TEK: variants seen among roughly 807,000 people sequenced by gnomAD.
The protein encoded by TEK is TEK receptor tyrosine kinase, also known as angiopoietin-1 receptor.
TEK carries 43 observed loss-of-function variants against 131.8 expected under a neutral mutation model. The ratio of observed to expected loss-of-function variants is 0.33; its 90% CI spans 0.26 to 0.42. The LOEUF (loss-of-function observed/expected upper bound fraction) is 0.42. Ranked by LOEUF, TEK falls within the 10% of genes least tolerant of loss-of-function variation. The probability of loss-of-function intolerance (pLI) is 1.00; values close to 1 mark genes in which losing one functional copy is unlikely to be tolerated. For synonymous variants in TEK, 580 were observed against 491.6 expected (o/e 1.18, Z -2.38); for missense variants, 1,162 against 1,384.4 (o/e 0.84, Z 2.55).
chr9:27,155,328 C>G (rs1823292194), intron 1 of TEK, among the ~76,000 whole-genome samples: 2 of 152,200 alleles, frequency 1.3e-5, no homozygotes, highest in Admixed American at 6.5e-5. Flanking sequence ...GTCCTGAGAT[C>G]TTAAAAGTTA....
At chr9:27,207,624 G>A (rs752908037) in intron 15 of TEK, among the ~76,000 whole-genome samples, 3 of 152,208 alleles carry the variant, frequency 2.0e-5, no homozygotes, top group African/African-American at 4.8e-5. Flanking sequence ...ACTTGACTGT[G>A]AGGCTGCACT....
chr9:27,208,323 T>G (rs2131217878), intron 15 of TEK, among the ~76,000 whole-genome samples: 1 of 151,684 alleles, frequency 6.6e-6, no homozygotes, highest in African/African-American at 2.4e-5. Context: ...AGCACCTCAC[T>G]CCTTTCCTTG....
In TEK at chr9:27,203,103, C is replaced by T; in HGVS notation, c.2193C>T (p.Thr731=). 1 of 1,613,944 alleles carries T rather than the reference C, an allele frequency of 6.2e-7. No individual in the cohort carries two copies. Residue 731 remains threonine, a synonymous_variant, in exon 13 of 23, where the codon ACC becomes ACT. Coordinates refer to ENST00000380036, the MANE Select transcript of TEK (RefSeq NM_000459.5). The part of the protein sequence containing the change: ...SNPAFSHELV[T]LPESQAPADL... ...CAGCCTTTTCTCATGAACTGGTGACCCTCCCAGAATCTCAAGGTTGGTTGA... is the reference window on the plus strand; with the variant it reads ...CAGCCTTTTCTCATGAACTGGTGACTCTCCCAGAATCTCAAGGTTGGTTGA...
chr9:27,225,671 G>C (rs1249029439), intron 21 of TEK, among the ~76,000 whole-genome samples: 1 of 152,162 alleles, frequency 6.6e-6, no homozygotes, highest in Non-Finnish European at 1.5e-5. Context: ...CAGGACATAG[G>C]CATGGGCAAA....
chr9:27,222,509 A>G (rs972484136), intron 21 of TEK, among the ~76,000 whole-genome samples: 2 of 152,214 alleles, frequency 1.3e-5, no homozygotes, highest in African/African-American at 4.8e-5. Context: ...GACTAACAGT[A>G]GACCTCTCTG....
chr9:27,173,941 A>AAG (rs145906467), intron 6 of TEK, among the ~76,000 whole-genome samples: 21 of 151,258 alleles, frequency 1.4e-4, no homozygotes, highest in African/African-American at 2.9e-4. Flanking sequence ...AAAAAAAAAA[A>AAG]TCAAAATCAG....
At chr9:27,130,096 G>C (rs1438385451) in intron 1 of TEK, among the ~76,000 whole-genome samples, 1 of 152,110 alleles carries the variant, frequency 6.6e-6, no homozygotes, top group African/African-American at 2.4e-5. Flanking sequence ...AGGAAGAATA[G>C]CTGAAAAAAT....
intron 1 of TEK, among the ~76,000 whole-genome samples, chr9:27,145,544 A>C (rs577460417): frequency 9.8e-5 from 15 of 152,364 alleles, no homozygotes; most frequent in African/African-American, 3.6e-4. Context: ...ACAGAAATCA[A>C]TGATTTAGAA....
chr9:27,177,498 C>G (rs568375138), intron 6 of TEK, among the ~76,000 whole-genome samples: 1 of 152,178 alleles, frequency 6.6e-6, no homozygotes, highest in Non-Finnish European at 1.5e-5. Flanking sequence ...TGCCTGTAAT[C>G]CCAGCACTTT....
chr9:27,194,988 T>C (rs1221585812), intron 11 of TEK, among the ~76,000 whole-genome samples: 3 of 152,080 alleles, frequency 2.0e-5, no homozygotes, highest in African/African-American at 7.2e-5. Flanking sequence ...TGACTATTTA[T>C]TGAGTTACTC....
At chr9:27,180,162 AT>A (rs1163972865) in intron 6 of TEK, 77 bp from the exon 7 acceptor site, 1 of 1,598,418 alleles carries the variant, frequency 6.3e-7, no homozygotes, top group Admixed American at 1.7e-5. Context: ...AGAGAGAAAA[AT>A]AAAACTAAAC....
chr9:27,207,959 T>G lies in TEK; in HGVS notation c.2576-1162T>G, dbSNP rs544281655. ...TTTGCTACTTTAGTCACAGGGAGTT[T>G]TGGGGAGCAGTGAGGATAGTGAGAG... On this transcript the variant is annotated intron_variant, in intron 15 of 22. Transcript: ENST00000380036. Among the ~76,000 whole-genome samples, 9 of 152,232 alleles carry G rather than the reference T, an allele frequency of 5.9e-5. No individual in the cohort carries two copies. In the South Asian group the frequency reaches 6.2e-4, roughly 11 times the overall value.
chr9:27,220,870 A>C lies in TEK; in HGVS notation c.3200+725A>C, dbSNP rs376153389. On this transcript the variant is annotated intron_variant, in intron 21 of 22. Transcript: ENST00000380036. ...CTGGGTGGCCATTTCGGCAGACACC[A>C]AGCTAGCTGCAGGAGTTTCTTTTCA... 2.6e-5 allele frequency among the ~76,000 whole-genome samples: 4 copies of C among 152,330 alleles called. No individual in the cohort carries two copies. In the East Asian group the frequency reaches 5.8e-4, roughly 22 times the overall value.
intron 16 of TEK, 99 bp downstream of exon 16, chr9:27,209,330 T>A: frequency 1.1e-6 from 1 of 910,374 alleles, no homozygotes. Flanking sequence ...GAATGTTGCC[T>A]ATTTTTTTTA....
In TEK at chr9:27,190,554, A is replaced by G. The variant is rs1379226369; in HGVS notation, c.1353A>G (p.Pro451=). 1 of 1,614,054 alleles carries G rather than the reference A, an allele frequency of 6.2e-7. No homozygotes were observed. The highest frequency in any genetic ancestry group is 1.3e-5 in the African/African-American group (1 of 75,038). The change falls in exon 10 of 23, where the codon CCA becomes CCG. Residue 451 remains proline, a synonymous_variant. Transcript: ENST00000380036. ...VKVLPKPLNA[P]NVIDTGHNFA... is the part of the protein sequence containing the mutation. ...TTCTTCCAAAGCCCCTGAATGCCCC[A>G]AACGTGATTGACACTGGACATAACT...
At chr9:27,150,780 G>A (rs538898590) in intron 1 of TEK, among the ~76,000 whole-genome samples, 1 of 152,272 alleles carries the variant, frequency 6.6e-6, no homozygotes, top group South Asian at 2.1e-4. Flanking sequence ...TGCTCTGTCT[G>A]TTCCCTGGAA....
chr9:27,125,073 G>T (rs1821939461), intron 1 of TEK, among the ~76,000 whole-genome samples: 1 of 152,176 alleles, frequency 6.6e-6, no homozygotes, highest in African/African-American at 2.4e-5. Context: ...CTTGCATTGT[G>T]TTGCCTGGTC....
chr9:27,143,176 G>A (rs1197823424), intron 1 of TEK, among the ~76,000 whole-genome samples: 1 of 152,194 alleles, frequency 6.6e-6, no homozygotes, highest in Non-Finnish European at 1.5e-5. Context: ...AGCGTAGGTA[G>A]ACCTAAAAGC....
intron 4 of TEK, 78 bp from the exon 5 acceptor site, chr9:27,172,538 A>C: frequency 6.3e-7 from 1 of 1,585,008 alleles, no homozygotes; most frequent in Non-Finnish European, 8.6e-7. Flanking sequence ...TGAATGACTG[A>C]CACACAGTAG....
Sources: gnomAD v4.1 joint callset for allele counts (sites outside exome capture counted in the v4.1 genomes callset) on GRCh38, gnomAD v4.1.1 for gene constraint, MANE v1.5 for transcripts, NCBI Gene and HGNC (gene_info 2026-07-23, HGNC 2026-07-21) for gene names.